ARK2C: variants seen among roughly 807,000 people sequenced by gnomAD.
ARK2C encodes the protein E3 ubiquitin-protein ligase ARK2C.
the ARK2C span, among the ~76,000 whole-genome samples, chr18:46,355,995 G>A: frequency 5.9e-5 from 9 of 152,266 alleles, no homozygotes; most frequent in East Asian, 1.9e-4. Flanking sequence ...CAAGCCACCC[G>A]TCTGGTCCTT....
chr18:46,376,464 C>G, the ARK2C span, among the ~76,000 whole-genome samples: 2 of 152,188 alleles, frequency 1.3e-5, no homozygotes, highest in South Asian at 4.1e-4. Context: ...ACAGAAGATG[C>G]AGCCTCTTGT....
the ARK2C span, among the ~76,000 whole-genome samples, chr18:46,408,358 A>T: frequency 6.6e-6 from 1 of 152,248 alleles, no homozygotes; most frequent in Non-Finnish European, 1.5e-5. Flanking sequence ...CCTTCTACCC[A>T]GAGCCAGAGT....
the ARK2C span, among the ~76,000 whole-genome samples, chr18:46,432,900 G>C: frequency 3.6e-3 from 544 of 152,268 alleles, 4 homozygotes; most frequent in African/African-American, 0.013. Flanking sequence ...AGCCGAGATC[G>C]CGCCACTGCA....
the ARK2C span, among the ~76,000 whole-genome samples, chr18:46,421,146 T>C: frequency 5.9e-5 from 9 of 152,224 alleles, no homozygotes; most frequent in Admixed American, 3.9e-4. Context: ...ATGCTGGACC[T>C]GCAACTGGGC....
the ARK2C span, chr18:46,458,308 C>A: frequency 1.3e-5 from 2 of 152,594 alleles, no homozygotes; most frequent in African/African-American, 4.8e-5. Flanking sequence ...AATTCCAACC[C>A]AAACCCAACT....
At chr18:46,382,515 G>A in the ARK2C span, among the ~76,000 whole-genome samples, 2 of 152,204 alleles carry the variant, frequency 1.3e-5, no homozygotes, top group African/African-American at 2.4e-5. Context: ...TTCATCTAGT[G>A]TCAGTCTCTT....
chr18:46,385,029 T>G, the ARK2C span, among the ~76,000 whole-genome samples: 1 of 152,194 alleles, frequency 6.6e-6, no homozygotes, highest in African/African-American at 2.4e-5. Flanking sequence ...CCTCAAAGAT[T>G]TCCAGAGTGG....
At chr18:46,450,256 T>C in the ARK2C span, 2 of 1,371,226 alleles carry the variant, frequency 1.5e-6, no homozygotes, top group Non-Finnish European at 2.1e-6. Context: ...TGGAGAAACC[T>C]TGAATCCTTG....
chr18:46,366,006 C>A, the ARK2C span, among the ~76,000 whole-genome samples: 1 of 152,010 alleles, frequency 6.6e-6, no homozygotes, highest in Non-Finnish European at 1.5e-5. Flanking sequence ...TAAGAGATAA[C>A]TCTTGGCTGG....
the ARK2C span, among the ~76,000 whole-genome samples, chr18:46,389,336 A>T: frequency 6.6e-6 from 1 of 152,250 alleles, no homozygotes; most frequent in Non-Finnish European, 1.5e-5. Context: ...AACAATGCTG[A>T]TAAATAAAAC....
the ARK2C span, among the ~76,000 whole-genome samples, chr18:46,418,218 G>A: frequency 6.6e-6 from 1 of 151,966 alleles, no homozygotes; most frequent in African/African-American, 2.4e-5. Flanking sequence ...TTAGCTTTGT[G>A]TGGTCGCACA....
At chr18:46,436,217 AATCT>A in the ARK2C span, among the ~76,000 whole-genome samples, 14 of 152,134 alleles carry the variant, frequency 9.2e-5, no homozygotes, top group South Asian at 2.1e-4. Context: ...AGGGGAAAAA[AATCT>A]ATCTATCTAA....
At chr18:46,459,524 C>T in the ARK2C span, 1 of 152,250 alleles carries the variant, frequency 6.6e-6, no homozygotes, top group Non-Finnish European at 1.5e-5. Flanking sequence ...ATTCTCTGCC[C>T]CAGGCTAATA....
the ARK2C span, chr18:46,460,623 A>C: frequency 6.6e-6 from 1 of 152,488 alleles, no homozygotes; most frequent in Non-Finnish European, 1.5e-5. Context: ...AATGCTTTGC[A>C]TGCATTGGTA....
At chr18:46,398,674 G>A in the ARK2C span, among the ~76,000 whole-genome samples, 1 of 151,984 alleles carries the variant, frequency 6.6e-6, no homozygotes, top group Non-Finnish European at 1.5e-5. Context: ...CTGCTGAACT[G>A]AGAGCACACG....
At chr18:46,428,462 T>G in the ARK2C span, among the ~76,000 whole-genome samples, 1 of 151,992 alleles carries the variant, frequency 6.6e-6, no homozygotes, top group Admixed American at 6.6e-5. Flanking sequence ...GGCCAAGGGG[T>G]TTGGATTTCA....
the ARK2C span, among the ~76,000 whole-genome samples, chr18:46,373,409 C>T: frequency 6.6e-6 from 1 of 152,226 alleles, no homozygotes; most frequent in Admixed American, 6.5e-5. Context: ...AGTCACCCAG[C>T]AAGTCGTGGG....
At chr18:46,351,789 T>C in the ARK2C span, among the ~76,000 whole-genome samples, 7 of 152,204 alleles carry the variant, frequency 4.6e-5, no homozygotes, top group African/African-American at 1.7e-4. Flanking sequence ...TTCCATGACC[T>C]GAGGCAGTGT....
chr18:46,428,634 G>A, the ARK2C span, among the ~76,000 whole-genome samples: 15 of 152,148 alleles, frequency 9.9e-5, no homozygotes, highest in Admixed American at 9.8e-4. Flanking sequence ...AGGCTAGGGC[G>A]AATTGACATG....
Sources: gnomAD v4.1 joint callset for allele counts (sites outside exome capture counted in the v4.1 genomes callset) on GRCh38, gnomAD v4.1.1 for gene constraint, MANE v1.5 for transcripts, NCBI Gene and HGNC (gene_info 2026-07-23, HGNC 2026-07-21) for gene names.